The following SCIMP variants were observed in gnomAD, a reference collection of about 807,000 sequenced individuals.
SCIMP encodes the protein SLP adaptor and CSK interacting membrane protein, also known as SLP adapter and CSK-interacting membrane protein.
SCIMP carries 18 observed loss-of-function variants against 22.0 expected under a neutral mutation model. The observed-to-expected ratio is 0.82, with a 90% CI of 0.56 to 1.21. The LOEUF (loss-of-function observed/expected upper bound fraction) is 1.21. Among genes scored for constraint, SCIMP ranks in the 50% most tolerant of loss-of-function variants. The pLI, the probability that SCIMP is intolerant of heterozygous loss-of-function variation, is 0.00. For synonymous variants in SCIMP, 53 were observed against 62.2 expected (o/e 0.85, Z 0.70); for missense variants, 155 against 171.2 (o/e 0.91, Z 0.53).
chr17:5,231,751 GTGC>G (rs1307832547), intron 1 of SCIMP, among the ~76,000 whole-genome samples: 1 of 152,122 alleles, frequency 6.6e-6, no homozygotes, highest in Admixed American at 6.6e-5. Flanking sequence ...AATGCATTCT[GTGC>G]TGCAAAACTG....
intron 4 of SCIMP, among the ~76,000 whole-genome samples, chr17:5,212,812 GC>G (rs1180112544): frequency 1.3e-5 from 2 of 152,136 alleles, no homozygotes; most frequent in Non-Finnish European, 2.9e-5. Flanking sequence ...TGAGCCTCAC[GC>G]CCTGTTCTAG....
At chr17:5,230,429 A>G (rs766167259) in intron 1 of SCIMP, among the ~76,000 whole-genome samples, 4 of 152,168 alleles carry the variant, frequency 2.6e-5, no homozygotes, top group African/African-American at 4.8e-5. Context: ...GAACTGGGGA[A>G]TGTTGAATTC....
chr17:5,222,932 T>G (rs2074619083), intron 2 of SCIMP, among the ~76,000 whole-genome samples: 1 of 152,202 alleles, frequency 6.6e-6, no homozygotes, highest in South Asian at 2.1e-4. Context: ...CCCAAAGGGC[T>G]GGGATTACAG....
intron 1 of SCIMP, among the ~76,000 whole-genome samples, chr17:5,232,773 C>T (rs2074712811): frequency 6.6e-6 from 1 of 151,742 alleles, no homozygotes; most frequent in Admixed American, 6.6e-5. Context: ...TCCACTGGTG[C>T]AATCTCAGCT....
intron 4 of SCIMP, among the ~76,000 whole-genome samples, chr17:5,212,575 A>C (rs2144302788): frequency 6.6e-6 from 1 of 152,262 alleles, no homozygotes; most frequent in African/African-American, 2.4e-5. Context: ...TGGAGCTTGC[A>C]GTGAGCCGAG....
intron 3 of SCIMP, among the ~76,000 whole-genome samples, chr17:5,217,794 T>C (rs1003438689): frequency 6.6e-6 from 1 of 152,148 alleles, no homozygotes; most frequent in Non-Finnish European, 1.5e-5. Flanking sequence ...TGCCACATTT[T>C]CTTAATCCAT....
At chr17:5,231,598 A>G (rs143402262) in intron 1 of SCIMP, among the ~76,000 whole-genome samples, 1 of 152,210 alleles carries the variant, frequency 6.6e-6, no homozygotes, top group Non-Finnish European at 1.5e-5. Context: ...CAGATTGCCG[A>G]TGTCCTACTT....
At chr17:5,212,676 G>C (rs574133006) in intron 4 of SCIMP, among the ~76,000 whole-genome samples, 1 of 152,330 alleles carries the variant, frequency 6.6e-6, no homozygotes, top group South Asian at 2.1e-4. Flanking sequence ...TTGTAGAGTT[G>C]TGAGGAGTGA....
chr17:5,221,327 G>A lies in SCIMP; in HGVS notation c.169C>T (p.Pro57Ser). 1 of 1,613,452 alleles carries A rather than the reference G, an allele frequency of 6.2e-7. No homozygotes were observed. The highest frequency in any genetic ancestry group is 1.1e-5 in the South Asian group (1 of 91,056). ...TCATCTACTTGCTTGTGTTTCAGGG[G>A]CTTGGCAATTTCCCATTTCTTGCCT... ...RRGKKWEIAK[P>S]LKHKQVDEEK... Residue 57 changes from proline (P) to serine (S), a missense_variant, in exon 3 of 5, where the codon CCC becomes TCC. Transcript: ENST00000574081.
intron 2 of SCIMP, among the ~76,000 whole-genome samples, chr17:5,222,001 C>G (rs147171328): frequency 0.028 from 4,226 of 151,826 alleles, 191 homozygotes; most frequent in African/African-American, 0.095. Flanking sequence ...CTTGAACTCC[C>G]GACCTCAAGT....
intron 1 of SCIMP, among the ~76,000 whole-genome samples, chr17:5,231,871 A>G (rs902962986): frequency 1.4e-4 from 22 of 152,178 alleles, no homozygotes; most frequent in Admixed American, 2.6e-4. Context: ...TGGCTAACAC[A>G]ATGAAACCCT....
intron 3 of SCIMP, among the ~76,000 whole-genome samples, chr17:5,218,240 G>A (rs758870811): frequency 6.8e-6 from 1 of 147,924 alleles, no homozygotes; most frequent in Non-Finnish European, 1.5e-5. Flanking sequence ...TGCCCAGGCT[G>A]GTTTCAAACT....
chr17:5,219,273 C>T (rs187289176), intron 3 of SCIMP, among the ~76,000 whole-genome samples: 1 of 151,070 alleles, frequency 6.6e-6, no homozygotes, highest in Non-Finnish European at 1.5e-5. Context: ...GAGCCGAGAT[C>T]GCGCTATTGC....
intron 4 of SCIMP, among the ~76,000 whole-genome samples, chr17:5,211,705 ATC>A (rs1279762131): frequency 6.6e-6 from 1 of 152,128 alleles, no homozygotes; most frequent in East Asian, 1.9e-4. Flanking sequence ...TTATGTACAA[ATC>A]TCTCTAAGAA....
intron 4 of SCIMP, chr17:5,214,262 A>T (rs908246348): frequency 2.0e-5 from 3 of 152,258 alleles, no homozygotes; most frequent in African/African-American, 7.2e-5. Flanking sequence ...GCTATCTAAG[A>T]CACCTTCATA....
intron 3 of SCIMP, among the ~76,000 whole-genome samples, chr17:5,218,420 A>T (rs528961051): frequency 6.7e-6 from 1 of 149,112 alleles, no homozygotes; most frequent in African/African-American, 2.5e-5. Context: ...GATCACTGCA[A>T]CCTCCACCTC....
intron 3 of SCIMP, among the ~76,000 whole-genome samples, chr17:5,216,367 T>A (rs1158810894): frequency 6.6e-6 from 1 of 151,864 alleles, no homozygotes; most frequent in Non-Finnish European, 1.5e-5. Context: ...ATTAATAGAT[T>A]GCATAAAAAC....
chr17:5,228,903 C>T (rs535682271), intron 1 of SCIMP, among the ~76,000 whole-genome samples: 1 of 152,230 alleles, frequency 6.6e-6, no homozygotes, highest in East Asian at 1.9e-4. Flanking sequence ...CAGTCTCTTT[C>T]CCCTGCTATA....
At chr17:5,216,300 T>TA (rs1378589824) in intron 3 of SCIMP, among the ~76,000 whole-genome samples, 4 of 152,130 alleles carry the variant, frequency 2.6e-5, no homozygotes, top group Non-Finnish European at 5.9e-5. Flanking sequence ...ATGAATCTCA[T>TA]AAAAATGATG....
Sources: allele counts gnomAD v4.1 joint callset (sites outside exome capture counted in the v4.1 genomes callset), GRCh38; gene constraint gnomAD v4.1.1; transcripts MANE v1.5; gene names NCBI Gene and HGNC (gene_info 2026-07-23, HGNC 2026-07-21).